Variants in ECH1 observed in about 807,000 individuals in gnomAD.
The protein encoded by ECH1 is enoyl-CoA hydratase 1.
ECH1 carries 30 observed loss-of-function variants against 37.0 expected under a neutral mutation model. The observed-to-expected ratio is 0.81, with a 90% CI of 0.61 to 1.10. The LOEUF (loss-of-function observed/expected upper bound fraction) is 1.10, where lower values mean the gene tolerates loss of function less well. Ranked by LOEUF, ECH1 falls within the 50% of genes least tolerant of loss-of-function variation. The pLI is 0.00. For missense variants in ECH1, 456 were observed against 441.6 expected (o/e 1.03, Z -0.29); for synonymous variants, 178 against 176.0 (o/e 1.01, Z -0.09).
In ECH1 at chr19:38,817,577, T is replaced by C. The variant is rs748518391; in HGVS notation, c.350-2A>G. 5.7e-6 allele frequency: 9 copies of C among 1,591,778 alleles called. No individual in the cohort carries two copies. The Admixed American group carries it at 1.3e-4, about 24-fold the overall frequency. On this transcript the variant is annotated splice_acceptor_variant, in intron 3 of 9. Coordinates refer to ENST00000221418, the MANE Select transcript of ECH1 (RefSeq NM_001398.3). LOFTEE classifies it high-confidence loss of function. Reference sequence around the variant, plus strand: ...AAGCCATGTCCATCAGGTCAATACCTGGTGAGAAGGCATGATGGAGCTCAT... The same window carrying C: ...AAGCCATGTCCATCAGGTCAATACCCGGTGAGAAGGCATGATGGAGCTCAT...
chr19:38,826,126 T>C (rs1971735477), intron 3 of ECH1, among the ~76,000 whole-genome samples: 1 of 152,248 alleles, frequency 6.6e-6, no homozygotes, highest in South Asian at 2.1e-4. Flanking sequence ...TGGGAGACTT[T>C]GCTCTTTTCA....
chr19:38,820,930 T>G (rs1015496194), intron 3 of ECH1, among the ~76,000 whole-genome samples: 1 of 152,162 alleles, frequency 6.6e-6, no homozygotes, highest in Non-Finnish European at 1.5e-5. Flanking sequence ...TGTCACTGAA[T>G]GTTTGTCAAA....
intron 3 of ECH1, among the ~76,000 whole-genome samples, chr19:38,829,963 C>A (rs974998274): frequency 2.0e-5 from 3 of 152,092 alleles, no homozygotes; most frequent in African/African-American, 7.2e-5. Context: ...TAAGACCAGC[C>A]TGGCCAACAT....
rs144733422 is a variant in ECH1, at chr19:38,818,932, T to TGTGTGTGTGTGCGC, written c.350-1358_350-1357insGCGCACACACACAC. ...GTGTGTGTGTGTGTGTGTGTGTGTG[T>TGTGTGTGTGTGCGC]GCACTGTTCCCAACCTGTTACTTTG... On this transcript the variant is annotated intron_variant, in intron 3 of 9. Transcript: ENST00000221418. Among the ~76,000 whole-genome samples the TGTGTGTGTGTGCGC allele has an allele frequency of 9.7e-4, 139 of 142,858 alleles. 1 individual carries two copies. Among genetic ancestry groups the TGTGTGTGTGTGCGC allele is most frequent in the African/African-American group, 3.4e-3 (129 of 38,344 alleles). The allele number at this position is 142,858 out of a possible 152,430, so 93.7% of individuals were successfully genotyped here.
At chr19:38,827,962 G>GCACAT (rs1418990375) in intron 3 of ECH1, among the ~76,000 whole-genome samples, 1 of 152,144 alleles carries the variant, frequency 6.6e-6, no homozygotes, top group East Asian at 1.9e-4. Context: ...TGTAGTCCCA[G>GCACAT]CACATTGGGA....
In ECH1 at chr19:38,820,914, G is replaced by A. The variant is rs538408521; in HGVS notation, c.350-3339C>T. 4.6e-5 allele frequency among the ~76,000 whole-genome samples: 7 copies of A among 152,308 alleles called. No homozygotes were observed. In the East Asian group the frequency reaches 9.6e-4, roughly 21 times the overall value. On this transcript the variant is annotated intron_variant, in intron 3 of 9. Transcript: ENST00000221418. ...GCACCCAGGAGGGGGCTCTGGCACT[G>A]GACTGTGTCACTGAATGTTTGTCAA...
chr19:38,827,558 G>C (rs904032188), intron 3 of ECH1, among the ~76,000 whole-genome samples: 1 of 152,126 alleles, frequency 6.6e-6, no homozygotes, highest in African/African-American at 2.4e-5. Flanking sequence ...GGTGACCAAA[G>C]CTGCCGGGAA....
At chr19:38,829,514 G>A (rs1360760037) in intron 3 of ECH1, among the ~76,000 whole-genome samples, 1 of 151,646 alleles carries the variant, frequency 6.6e-6, no homozygotes, top group Non-Finnish European at 1.5e-5. Context: ...GGAAATTGGA[G>A]AATTGAAAAC....
chr19:38,817,149 G>T lies in ECH1; in HGVS notation c.524-20C>A. 2 of 1,559,964 alleles carry T rather than the reference G, an allele frequency of 1.3e-6. No individual in the cohort carries two copies. Among genetic ancestry groups the T allele is most frequent in the South Asian group, 1.2e-5 (1 of 84,530 alleles). ...CCACACCTAGGAGGTAGAGGCCAGG[G>T]ATGCTGAATGACCACCAGAACCAAC... is the stretch of plus-strand genomic sequence containing the variant. On this transcript the variant is annotated intron_variant, in intron 5 of 9. Coordinates refer to ENST00000221418, the MANE Select transcript of ECH1 (RefSeq NM_001398.3).
chr19:38,831,683 C>T (rs375573622), intron 1 of ECH1, 38 bp downstream of exon 1: 11 of 1,612,302 alleles, frequency 6.8e-6, no homozygotes, highest in Non-Finnish European at 9.3e-6. Context: ...AACAGCACGA[C>T]AGCGCGACGC....
At position 38,815,614 on chromosome 19, in the gene ECH1, C is replaced by T. The variant is rs564889381; in HGVS notation, c.986G>A (p.Ter329=). 317 of 1,614,168 alleles carry T rather than the reference C, an allele frequency of 2.0e-4. 5 individuals are homozygous for T. The South Asian group carries it at 3.3e-3, about 17-fold the overall frequency. The change falls in exon 10 of 10, where the codon TGA becomes TAA. Residue 329 remains the stop codon, a stop_retained_variant. Coordinates refer to ENST00000221418, the MANE Select transcript of ECH1 (RefSeq NM_001398.3). ...CTGGGGCCTGGGACGCGAGGGCTCT[C>T]AGAGCTTGGAGAAGGTGACGGTTTT... ...ELKTVTFSKL[*]
intron 3 of ECH1, among the ~76,000 whole-genome samples, chr19:38,817,928 TTAA>T (rs1218221754): frequency 1.3e-5 from 2 of 152,168 alleles, no homozygotes; most frequent in Non-Finnish European, 2.9e-5. Flanking sequence ...AATTAACTCA[TTAA>T]TGTTTTTAGA....
In ECH1 at chr19:38,815,876, G is replaced by A. The variant is rs755884220; in HGVS notation, c.863C>T (p.Ala288Val). 6.2e-7 allele frequency: 1 copy of A among 1,614,166 alleles called. No individual in the cohort carries two copies. The highest frequency in any genetic ancestry group is 8.5e-7 in the Non-Finnish European group (1 of 1,180,038). The part of the protein sequence containing the change: ...NLLYSRDHSV[A>V]ESLNYVASWN... ...CCTTACCACGTAGTTGAGGCTCTCGGCCACCGAATGGTCGCGGGAATACAG... is the reference window on the plus strand; with the variant it reads ...CCTTACCACGTAGTTGAGGCTCTCGACCACCGAATGGTCGCGGGAATACAG... The change falls in exon 9 of 10, where the codon GCC becomes GTC. Residue 288 changes from alanine to valine, a missense_variant. By Grantham distance (64) the Ala-to-Val change is moderately conservative (BLOSUM62 0). Coordinates refer to ENST00000221418, the MANE Select transcript of ECH1 (RefSeq NM_001398.3).
chr19:38,830,789 A>T (rs1236259611), intron 3 of ECH1: 14 of 403,272 alleles, frequency 3.5e-5, no homozygotes, highest in Non-Finnish European at 5.9e-5. Flanking sequence ...CCTGGCCAAT[A>T]TGGTGAAACC....
At chr19:38,829,460 CA>C (rs1276569085) in intron 3 of ECH1, among the ~76,000 whole-genome samples, 5 of 149,948 alleles carry the variant, frequency 3.3e-5, no homozygotes, top group Non-Finnish European at 7.4e-5. Context: ...GACTCTGTCT[CA>C]AAATAAATGA....
At chr19:38,816,108 C>A in intron 8 of ECH1, 101 bp from the exon 9 acceptor site, 1 of 1,540,694 alleles carries the variant, frequency 6.5e-7, no homozygotes, top group Non-Finnish European at 8.8e-7. Flanking sequence ...AGGCCCAAGA[C>A]CCCAGAGAAA....
At chr19:38,817,161 C>G (rs1971589369) in intron 5 of ECH1, 32 bp from the exon 6 acceptor site, 1 of 1,556,246 alleles carries the variant, frequency 6.4e-7, no homozygotes, top group Admixed American at 1.9e-5. Context: ...TGCTGAATGA[C>G]CACCAGAACC....
At chr19:38,821,686 C>T (rs563403961) in intron 3 of ECH1, among the ~76,000 whole-genome samples, 12 of 152,332 alleles carry the variant, frequency 7.9e-5, no homozygotes, top group African/African-American at 1.7e-4. Flanking sequence ...AGTGCCGGCC[C>T]GCTGGTGCTG....
chr19:38,831,788 C>T lies in ECH1; in HGVS notation c.-16G>A, dbSNP rs1032291339. ...CCGCCGCCATCGCCGCCGCCTTCGT[C>T]TACTGCGTTCGGACGGAGTAACGTG... is the stretch of plus-strand genomic sequence containing the variant. On this transcript the variant is annotated 5_prime_UTR_variant, in exon 1 of 10. Transcript: ENST00000221418. 2 of 1,612,390 alleles carry T rather than the reference C, an allele frequency of 1.2e-6. No individual in the cohort carries two copies. The highest frequency in any genetic ancestry group is 1.7e-6 in the Non-Finnish European group (2 of 1,179,574).
Sources: gnomAD v4.1 joint callset for allele counts (sites outside exome capture counted in the v4.1 genomes callset) on GRCh38, gnomAD v4.1.1 for gene constraint, MANE v1.5 for transcripts, NCBI Gene and HGNC (gene_info 2026-07-23, HGNC 2026-07-21) for gene names.